The following PRSS36 variants were observed in gnomAD, a reference collection of about 807,000 sequenced individuals.
PRSS36 encodes polyserase-2.
PRSS36 carries 90 observed loss-of-function variants against 94.3 expected under a neutral mutation model. The observed-to-expected ratio is 0.95, with a 90% CI of 0.80 to 1.14. The LOEUF (loss-of-function observed/expected upper bound fraction) is 1.14. PRSS36 is among the 50% of genes most tolerant of loss of function. The pLI is 0.00. For synonymous variants in PRSS36, 500 were observed against 489.6 expected (o/e 1.02, Z -0.28); for missense variants, 1,158 against 1,135.0 (o/e 1.02, Z -0.29).
intron 10 of PRSS36, 112 bp from the exon 11 acceptor site, chr16:31,142,072 C>T: frequency 1.1e-6 from 1 of 873,016 alleles, no homozygotes; most frequent in South Asian, 1.5e-5. Context: ...GTATCAAGTT[C>T]CACCTTCTCC....
chr16:31,142,838 G>T lies in PRSS36; in HGVS notation c.1256C>A (p.Pro419His). Residue 419 changes from proline (P) to histidine (H), a missense_variant, in exon 9 of 15, where the codon CCC becomes CAC. Coordinates refer to ENST00000268281, the MANE Select transcript of PRSS36 (RefSeq NM_173502.5). The part of the protein sequence containing the change: ...SDLALLQLRT[P>H]VNLSAASRPV... ...CCGCGAAGCCGCGCTCAGGTTCACG[G>T]GCGTGCGCAGCTGCAGCAGCGCCAG... is the stretch of plus-strand genomic sequence containing the variant. 6.4e-7 allele frequency: 1 copy of T among 1,554,760 alleles called. No homozygotes were observed.
chr16:31,145,917 G>A lies in PRSS36; in HGVS notation c.592C>T (p.Leu198=). 1.9e-6 allele frequency: 3 copies of A among 1,613,840 alleles called. No individual in the cohort carries two copies. Among genetic ancestry groups the A allele is most frequent in the Non-Finnish European group, 2.5e-6 (3 of 1,179,874 alleles). The change falls in exon 6 of 15, where the codon CTA becomes TTA. Residue 198 remains leucine, a synonymous_variant. Coordinates refer to ENST00000268281, the MANE Select transcript of PRSS36 (RefSeq NM_173502.5). ...PLPWVLQEVE[L]RLLGEATCQC... ...CAGGTGGCCTCGCCCAGCAGCCTTA[G>A]CTCCACTTCCTGTAGCACCCAGGGG...
Position 31,143,489 on chromosome 16 carries a change from T to C in PRSS36, c.971-18A>G, listed in dbSNP as rs1375310903. 1.2e-6 allele frequency: 2 copies of C among 1,604,490 alleles called. No individual in the cohort carries two copies. The highest frequency in any genetic ancestry group is 3.4e-5 in the Admixed American group (2 of 59,176). ...CCCGCACTCTGAGGGGTGAGAGGCC[T>C]GGGTCAGTGGGCCTCCTGCAACCCA... On this transcript the variant is annotated intron_variant, in intron 7 of 14. Transcript: ENST00000268281.
Position 31,146,212 on chromosome 16 carries a change from C to T in PRSS36, c.554-257G>A, listed in dbSNP as rs528127043. On this transcript the variant is annotated intron_variant, in intron 5 of 14. Transcript: ENST00000268281. ...AGGTTGTGCACTGCAACAAAGGATG[C>T]AATGTAGGGACTAAAACCATTAAGT... 2.6e-5 allele frequency among the ~76,000 whole-genome samples: 4 copies of T among 152,340 alleles called. No individual in the cohort carries two copies. The South Asian group carries it at 8.3e-4, about 32-fold the overall frequency.
chr16:31,140,467 C>T (rs201806098), intron 13 of PRSS36, 25 bp downstream of exon 13: 136 of 1,597,668 alleles, frequency 8.5e-5, no homozygotes, highest in Non-Finnish European at 8.7e-5. Context: ...AGCTACTCCT[C>T]GTTCCCGTGA....
At position 31,142,780 on chromosome 16, in the gene PRSS36, G is replaced by A. The variant is rs183010394; in HGVS notation, c.1314C>T (p.Phe438=). ...PVCLPHPEHY[F]LPGSRCRLAR... is the part of the protein sequence containing the mutation. ...CCAGGCGGCAGCGGCTCCCGGGCAG[G>A]AAGTAGTGTTCCGGGTGGGGTAGGC... The change falls in exon 9 of 15, where the codon TTC becomes TTT. Residue 438 remains phenylalanine (F), a synonymous_variant. Coordinates refer to ENST00000268281, the MANE Select transcript of PRSS36 (RefSeq NM_173502.5). The A allele has an allele frequency of 7.5e-4, 1,091 of 1,457,820 alleles. 9 individuals carry two copies. The African/African-American group carries it at 0.012, about 16-fold the overall frequency. The allele number at this position is 1,457,820 out of a possible 1,614,324, so 90.3% of individuals were successfully genotyped here. A position where few individuals can be genotyped will look rare whatever the true frequency, so the allele number is the denominator to read the frequency against.
At chr16:31,143,030 C>A (rs1044982777) in intron 8 of PRSS36, 37 bp from the exon 9 acceptor site, 61 of 1,374,786 alleles carry the variant, frequency 4.4e-5, no homozygotes, top group Non-Finnish European at 5.6e-5. Context: ...GGCCGGATCC[C>A]GCACACGTGG....
chr16:31,148,101 G>T (rs997795380), intron 5 of PRSS36, among the ~76,000 whole-genome samples: 5 of 152,116 alleles, frequency 3.3e-5, no homozygotes, highest in Non-Finnish European at 7.3e-5. Context: ...GTTAGAGCTG[G>T]GATGGGAACC....
At chr16:31,143,948 C>G in intron 6 of PRSS36, 111 bp from the exon 7 acceptor site, 1 of 1,388,382 alleles carries the variant, frequency 7.2e-7, no homozygotes, top group African/African-American at 1.4e-5. Context: ...CCTAGAAACC[C>G]TCCTTGGCTA....
Position 31,143,328 on chromosome 16 carries a change from A to G in PRSS36, c.1100+14T>C. 1 of 1,575,646 alleles carries G rather than the reference A, an allele frequency of 6.3e-7. No homozygotes were observed. The highest frequency in any genetic ancestry group is 1.4e-5 in the African/African-American group (1 of 73,612). ...AGGGGCAAGGATCGGCTTGAAACGT[A>G]GATTTTCACTCACTCCAGAAAGCAG... On this transcript the variant is annotated intron_variant, in intron 8 of 14. Transcript: ENST00000268281.
intron 2 of PRSS36, 36 bp from the exon 3 acceptor site, chr16:31,149,534 T>C: frequency 6.2e-7 from 1 of 1,613,762 alleles, no homozygotes; most frequent in Non-Finnish European, 8.5e-7. Flanking sequence ...AGGACACTTG[T>C]GACTTCCAGG....
chr16:31,149,666 C>T (rs775173745), intron 2 of PRSS36, 30 bp downstream of exon 2: 13 of 1,614,084 alleles, frequency 8.1e-6, no homozygotes, highest in East Asian at 2.2e-5. Flanking sequence ...TGCCTCTGCA[C>T]GTGACTTTCC....
Position 31,149,088 on chromosome 16 carries a change from G to C in PRSS36, c.257C>G (p.Ala86Gly). Residue 86 changes from alanine to glycine, a missense_variant, in exon 4 of 15, where the codon GCT becomes GGT. Transcript: ENST00000268281. The part of the protein sequence containing the change: ...LIAPSWVLSA[A>G]HCFMTNGTLE... ...GAATACTCACGTCATGAAACAGTGAGCAGCGGAGAGGACCCAGGAGGGGGC... is the reference window on the plus strand; with the variant it reads ...GAATACTCACGTCATGAAACAGTGACCAGCGGAGAGGACCCAGGAGGGGGC... 1.3e-6 allele frequency: 2 copies of C among 1,594,100 alleles called. No homozygotes were observed. The highest frequency in any genetic ancestry group is 1.7e-6 in the Non-Finnish European group (2 of 1,172,300).
Position 31,148,686 on chromosome 16 carries a change from C to T in PRSS36, c.273-11G>A, listed in dbSNP as rs776057571. On this transcript the variant is annotated splice_polypyrimidine_tract_variant and intron_variant, in intron 4 of 14. Coordinates refer to ENST00000268281, the MANE Select transcript of PRSS36 (RefSeq NM_173502.5). The stretch of plus-strand genomic sequence containing the variant: ...TCCAGCGTCCCATTCCTGCGCTCGA[C>T]CGGGGCAGTAGGAGGTTAGGTTGAC... The T allele has an allele frequency of 6.2e-7, 1 of 1,611,764 alleles. No homozygotes were observed. The highest frequency in any genetic ancestry group is 1.3e-5 in the African/African-American group (1 of 75,010).
chr16:31,142,494 A>G lies in PRSS36; in HGVS notation c.1508T>C (p.Val503Ala), dbSNP rs997574514. The G allele has an allele frequency of 2.0e-6, 3 of 1,480,510 alleles. No homozygotes were observed. Among genetic ancestry groups the G allele is most frequent in the Non-Finnish European group, 2.7e-6 (3 of 1,116,912 alleles). 91.7% of individuals were successfully genotyped at this position (1,480,510 alleles called of 1,614,324 possible). Residue 503 changes from valine (V) to alanine (A), a missense_variant, in exon 10 of 15, where the codon GTG becomes GCG. Transcript: ENST00000268281. ...LCPAYQEKEE[V>A]GSCWNDSRWS... is the part of the protein sequence containing the mutation. ...CCCGCCGCTTACCCAGCAGCTGCCC[A>G]CCTCCTCCTTTTCCTGGTAGGCAGG...
chr16:31,148,321 GC>G (rs1233484959), intron 5 of PRSS36, 73 bp downstream of exon 5: 2 of 1,430,332 alleles, frequency 1.4e-6, no homozygotes, highest in East Asian at 5.2e-5. Flanking sequence ...ACCTCCTGAG[GC>G]CCCGCCCTAG....
At position 31,143,804 on chromosome 16, in the gene PRSS36, C is replaced by T; in HGVS notation, c.754G>A (p.Gly252Ser). The change falls in exon 7 of 15, where the codon GGC (glycine) becomes AGC (serine). Residue 252 changes from glycine to serine, a missense_variant. Gly to Ser is a moderately conservative substitution (Grantham distance 56). Coordinates refer to ENST00000268281, the MANE Select transcript of PRSS36 (RefSeq NM_173502.5). ...ATTCCTGCCTGGAACCAGCGGCCGC[C>T]TTCCTCACAGACCAGGGGCCCCCCA... ...DSGGPLVCEE[G>S]GRWFQAGITS... 1 of 1,613,926 alleles carries T rather than the reference C, an allele frequency of 6.2e-7. No homozygotes were observed. Among genetic ancestry groups the T allele is most frequent in the Non-Finnish European group, 8.5e-7 (1 of 1,180,032 alleles).
intron 5 of PRSS36, among the ~76,000 whole-genome samples, chr16:31,147,157 C>G (rs75034233): frequency 0.03 from 4,551 of 152,044 alleles, 226 homozygotes; most frequent in African/African-American, 0.1. Context: ...GCCACAGCAG[C>G]CTTTGCAGCC....
At chr16:31,144,745 G>A (rs1169092678) in intron 6 of PRSS36, among the ~76,000 whole-genome samples, 2 of 151,832 alleles carry the variant, frequency 1.3e-5, no homozygotes, top group African/African-American at 4.8e-5. Context: ...AGCCAAGATC[G>A]TGCCATTGCA....
Sources: allele counts gnomAD v4.1 joint callset (sites outside exome capture counted in the v4.1 genomes callset), GRCh38; gene constraint gnomAD v4.1.1; transcripts MANE v1.5; gene names NCBI Gene and HGNC (gene_info 2026-07-23, HGNC 2026-07-21).